ALLC: variants seen among roughly 807,000 people sequenced by gnomAD.
ALLC encodes allantoicase.
In ALLC, 40 loss-of-function variants were observed where a neutral mutation model predicts 45.0. The ratio of observed to expected loss-of-function variants is 0.89; its 90% CI spans 0.69 to 1.16. The LOEUF is 1.16. Ranked by LOEUF, ALLC falls within the 50% of genes most tolerant of loss-of-function variation. ALLC has a pLI of 0.00. For missense variants in ALLC, 488 were observed against 493.1 expected (o/e 0.99, Z 0.10); for synonymous variants, 176 against 178.1 (o/e 0.99, Z 0.09).
chr2:3,695,541 G>A, intron 7 of ALLC, 176 bp from the exon 8 acceptor site: 1 of 638,948 alleles, frequency 1.6e-6, no homozygotes, highest in Non-Finnish European at 2.7e-6. Flanking sequence ...CTGGTACAGG[G>A]TAATATCAAG....
the ALLC span, among the ~76,000 whole-genome samples, chr2:3,651,443 T>TGTGTGTGTGTGTGTGTGTGAGAG: frequency 5.9e-5 from 1 of 16,808 alleles, no homozygotes; most frequent in Non-Finnish European, 1.6e-4. Flanking sequence ...GTGTGTGTGT[T>TGTGTGTGTGTGTGTGTGTGAGAG]AGGAAGGGAG....
chr2:3,671,216 A>G (rs1247496186), intron 2 of ALLC, 26 bp downstream of exon 2: 1 of 1,604,826 alleles, frequency 6.2e-7, no homozygotes. Flanking sequence ...ATGGCCAAAC[A>G]AGGGTTGAAG....
At chr2:3,671,495 A>G (rs1168397148) in intron 2 of ALLC, among the ~76,000 whole-genome samples, 1 of 152,254 alleles carries the variant, frequency 6.6e-6, no homozygotes, top group Non-Finnish European at 1.5e-5. Flanking sequence ...AGCTGGAGTT[A>G]AATCGGAGGT....
At chr2:3,646,777 A>G in the ALLC span, among the ~76,000 whole-genome samples, 2 of 152,180 alleles carry the variant, frequency 1.3e-5, no homozygotes, top group African/African-American at 4.8e-5. Flanking sequence ...TCACCCATGC[A>G]TTCATTTACT....
chr2:3,661,004 T>C (rs984777494), intron 1 of ALLC, among the ~76,000 whole-genome samples: 2 of 152,342 alleles, frequency 1.3e-5, no homozygotes, highest in Admixed American at 6.5e-5. Flanking sequence ...TTAGGACTTA[T>C]ATCTAACACT....
At chr2:3,647,269 GGTCA>G in the ALLC span, among the ~76,000 whole-genome samples, 1 of 151,842 alleles carries the variant, frequency 6.6e-6, no homozygotes, top group Non-Finnish European at 1.5e-5. Flanking sequence ...TCTAGTTGAG[GGTCA>G]GTCTTTCTAG....
At chr2:3,692,908 C>T (rs982394064) in intron 7 of ALLC, among the ~76,000 whole-genome samples, 11 of 152,092 alleles carry the variant, frequency 7.2e-5, no homozygotes, top group African/African-American at 2.4e-4. Flanking sequence ...AAGGAGCCCC[C>T]GCCTCTCAAC....
At chr2:3,654,229 A>T (rs1177388038), upstream of ALLC, among the ~76,000 whole-genome samples, 2 of 150,706 alleles carry the variant, frequency 1.3e-5, no homozygotes, top group Admixed American at 6.6e-5. Flanking sequence ...CATGTGAGTG[A>T]TCCAAGAGCC....
chr2:3,664,081 C>T (rs951644108), intron 1 of ALLC, among the ~76,000 whole-genome samples: 2 of 152,240 alleles, frequency 1.3e-5, no homozygotes, highest in African/African-American at 2.4e-5. Context: ...TCGTACCCAG[C>T]ACCTTGTGGT....
At position 3,702,566 on chromosome 2, in the gene ALLC, CA is replaced by C; in HGVS notation, c.*4del. On this transcript the variant is annotated 3_prime_UTR_variant, in exon 12 of 12. Coordinates refer to ENST00000252505, the MANE Select transcript of ALLC (RefSeq NM_018436.4). ...TGAGCTTCAAAGCAAACCCTTAACA[CA>C]CACAAAGCCCCGGTGTCGGACACAC... 6.5e-7 allele frequency: 1 copy of C among 1,549,192 alleles called. No individual in the cohort carries two copies. The highest frequency in any genetic ancestry group is 1.2e-5 in the South Asian group (1 of 83,174).
intron 7 of ALLC, among the ~76,000 whole-genome samples, chr2:3,691,467 T>C (rs891397175): frequency 1.3e-5 from 2 of 152,128 alleles, no homozygotes; most frequent in Non-Finnish European, 2.9e-5. Flanking sequence ...TTTACCATGT[T>C]GCCCAGGCTG....
intron 7 of ALLC, among the ~76,000 whole-genome samples, chr2:3,692,496 A>T (rs1434204606): frequency 6.6e-6 from 1 of 152,220 alleles, no homozygotes; most frequent in Non-Finnish European, 1.5e-5. Flanking sequence ...TAGCTTAGAG[A>T]ATCATTATAA....
chr2:3,661,029 A>G (rs923423624), intron 1 of ALLC, among the ~76,000 whole-genome samples: 3 of 152,178 alleles, frequency 2.0e-5, no homozygotes, highest in Non-Finnish European at 4.4e-5. Context: ...TTTTCATAAT[A>G]AAGTGAGAGG....
chr2:3,696,003 C>A, intron 8 of ALLC, 131 bp downstream of exon 8: 1 of 1,036,992 alleles, frequency 9.6e-7, no homozygotes, highest in Non-Finnish European at 1.4e-6. Flanking sequence ...ATTAATCTTC[C>A]ATGTGTAGGA....
the ALLC span, among the ~76,000 whole-genome samples, chr2:3,649,450 C>T: frequency 1.2e-3 from 186 of 152,304 alleles, no homozygotes; most frequent in Non-Finnish European, 2.3e-3. Context: ...ACCGTGTTAG[C>T]CAGGATGGTC....
intron 9 of ALLC, among the ~76,000 whole-genome samples, chr2:3,696,968 G>T (rs1047317542): frequency 6.6e-6 from 1 of 152,156 alleles, no homozygotes; most frequent in Non-Finnish European, 1.5e-5. Flanking sequence ...AGGTTTGAAC[G>T]CACATCATGT....
At chr2:3,676,308 C>T (rs577092651) in intron 3 of ALLC, among the ~76,000 whole-genome samples, 9 of 152,346 alleles carry the variant, frequency 5.9e-5, no homozygotes, top group Admixed American at 3.3e-4. Context: ...GGCAGGATCT[C>T]GCTGTGATCA....
the ALLC span, among the ~76,000 whole-genome samples, chr2:3,649,087 A>G: frequency 6.6e-6 from 1 of 152,122 alleles, no homozygotes; most frequent in East Asian, 1.9e-4. Context: ...ACGGCAACAC[A>G]CGTCATAGGT....
Position 3,695,768 on chromosome 2 carries a change from C to T in ALLC, c.563C>T (p.Thr188Ile), listed in dbSNP as rs748715977. 1 of 1,614,044 alleles carries T rather than the reference C, an allele frequency of 6.2e-7. No homozygotes were observed. The highest frequency in any genetic ancestry group is 8.5e-7 in the Non-Finnish European group (1 of 1,179,902). Residue 188 changes from threonine to isoleucine, a missense_variant, in exon 8 of 12, where the codon ACT becomes ATT. Physicochemically the swap from Thr to Ile is moderately conservative, Grantham distance 89 (BLOSUM62 -1). Coordinates refer to ENST00000252505, the MANE Select transcript of ALLC (RefSeq NM_018436.4). ...RVFGTGQKDW[T>I]ATDPKEPADL... ...TTCGGTACTGGACAAAAAGACTGGA[C>T]TGCAACTGACCCCAAAGAACCTGCA...
Sources: allele counts gnomAD v4.1 joint callset (sites outside exome capture counted in the v4.1 genomes callset), GRCh38; gene constraint gnomAD v4.1.1; transcripts MANE v1.5; gene names NCBI Gene and HGNC (gene_info 2026-07-23, HGNC 2026-07-21).